TOP3B: variants seen among roughly 807,000 people sequenced by gnomAD.
The protein encoded by TOP3B is DNA topoisomerase III beta.
In TOP3B, 45 loss-of-function variants were observed where a neutral mutation model predicts 93.9. That is an observed-to-expected ratio of 0.48 (90% CI 0.38 to 0.61). The LOEUF is 0.61. TOP3B is among the 20% of genes least tolerant of loss of function. The pLI is 0.00. For synonymous variants in TOP3B, 357 were observed against 472.6 expected (o/e 0.76, Z 3.17); for missense variants, 750 against 1,156.1 (o/e 0.65, Z 5.09).
intron 1 of TOP3B, among the ~76,000 whole-genome samples, chr22:21,979,693 G>A (rs2084575945): frequency 6.6e-6 from 1 of 152,082 alleles, no homozygotes; most frequent in South Asian, 2.1e-4. Context: ...TGTAATCCCA[G>A]CACTTTGGGA....
intron 10 of TOP3B, 52 bp downstream of exon 10, chr22:21,964,109 C>T: frequency 6.2e-7 from 1 of 1,611,338 alleles, no homozygotes; most frequent in Non-Finnish European, 8.5e-7. Flanking sequence ...AGACCTGGTC[C>T]CAAGGCCTCA....
chr22:21,978,711 C>CTG (rs2145885967), intron 1 of TOP3B, among the ~76,000 whole-genome samples: 1 of 149,572 alleles, frequency 6.7e-6, no homozygotes, highest in South Asian at 2.1e-4. Context: ...TGAGACCTGA[C>CTG]TGTAGGGTCT....
intron 6 of TOP3B, 33 bp from the exon 7 acceptor site, chr22:21,968,808 A>G (rs753551670): frequency 9.3e-6 from 15 of 1,612,984 alleles, no homozygotes; most frequent in Middle Eastern, 3.3e-4. Context: ...TTGGTCACTG[A>G]TTCACTCAAG....
intron 1 of TOP3B, 82 bp from the exon 2 acceptor site, chr22:21,975,889 A>G (rs1485462527): frequency 7.2e-5 from 70 of 978,390 alleles, no homozygotes; most frequent in Non-Finnish European, 8.3e-5. Context: ...TTTAACAAAG[A>G]AAAAACAAGA....
At chr22:21,972,153 T>G (rs574192868) in intron 4 of TOP3B, 2 of 550,250 alleles carry the variant, frequency 3.6e-6, no homozygotes, top group East Asian at 3.0e-5. Flanking sequence ...TTGATGTTTT[T>G]TGGACCAAAA....
In TOP3B at chr22:21,970,529, C is replaced by T. The variant is rs373214697; in HGVS notation, c.385-123G>A. 1.0e-6 allele frequency: 1 copy of T among 981,134 alleles called. No homozygotes were observed. The highest frequency in any genetic ancestry group is 1.6e-5 in the South Asian group (1 of 64,016). The allele number at this position is 981,134 out of a possible 1,614,324, so 60.8% of individuals were successfully genotyped here. On this transcript the variant is annotated intron_variant, in intron 5 of 17. Transcript: ENST00000357179. This position sits in a 1 kb window ranked among gnomAD's most constrained non-coding sequence, Gnocchi z 4.4. ...GTGTGCTCGGCTCCCTCTCCTGCCC[C>T]TGCCAGACCCTCCTCTATCCCCTTT... is the stretch of plus-strand genomic sequence containing the variant.
Position 21,971,630 on chromosome 22 carries a change from CCTCCTATGTTCA to C in TOP3B, c.384+235_384+246del. On this transcript the variant is annotated intron_variant, in intron 5 of 17. Transcript: ENST00000357179. The surrounding 1 kb of genome is among the most constrained non-coding windows in gnomAD (Gnocchi z 4.6). ...CTGCATCCACCCAGACAATTTGGCCCCTCCTATGTTCACTCATACCGTTGAGGCCTCAGCAAG... is the reference window on the plus strand; with the variant it reads ...CTGCATCCACCCAGACAATTTGGCCCCTCATACCGTTGAGGCCTCAGCAAG... The C allele has an allele frequency of 1.9e-6, 1 of 536,252 alleles. No homozygotes were observed. Among genetic ancestry groups the C allele is most frequent in the Non-Finnish European group, 3.4e-6 (1 of 294,142 alleles). 33.2% of individuals were successfully genotyped at this position (536,252 alleles called of 1,614,324 possible).
At chr22:21,959,820 T>A (rs1178661326) in intron 14 of TOP3B, 84 bp from the exon 15 acceptor site, 2 of 1,541,430 alleles carry the variant, frequency 1.3e-6, no homozygotes, top group Admixed American at 1.8e-5. Flanking sequence ...GATACTGCCC[T>A]GTTCACCCCT....
chr22:21,978,307 A>G (rs1044692747), intron 1 of TOP3B, among the ~76,000 whole-genome samples: 1 of 152,096 alleles, frequency 6.6e-6, no homozygotes, highest in Non-Finnish European at 1.5e-5. Context: ...CACACCTGCC[A>G]TGGGCTCACA....
chr22:21,962,293 C>T (rs2071217397), intron 13 of TOP3B, 136 bp downstream of exon 13: 1 of 1,592,354 alleles, frequency 6.3e-7, no homozygotes, highest in Admixed American at 1.7e-5. Flanking sequence ...CACACTGGGT[C>T]ACCAGTTTCC....
In TOP3B at chr22:21,963,207, G is replaced by A; in HGVS notation, c.1205-314C>T. 1 of 277,032 alleles carries A rather than the reference G, an allele frequency of 3.6e-6. No individual in the cohort carries two copies. The highest frequency in any genetic ancestry group is 7.1e-6 in the Non-Finnish European group (1 of 141,126). 17.2% of individuals were successfully genotyped at this position (277,032 alleles called of 1,614,324 possible). On this transcript the variant is annotated intron_variant, in intron 11 of 17. Coordinates refer to ENST00000357179, the MANE Select transcript of TOP3B (RefSeq NM_001282112.2). This position sits in a 1 kb window ranked among gnomAD's most constrained non-coding sequence, Gnocchi z 4.8. Reference sequence around the variant, plus strand: ...AGAAATTAGCTGGGTGTGGTGGTGGGAGCCTGTAATCCCAGCTACTCGGGG... The same window carrying A: ...AGAAATTAGCTGGGTGTGGTGGTGGAAGCCTGTAATCCCAGCTACTCGGGG...
chr22:21,964,383 T>C (rs1171991701), intron 9 of TOP3B, 68 bp from the exon 10 acceptor site: 2 of 1,579,536 alleles, frequency 1.3e-6, no homozygotes, highest in South Asian at 1.1e-5. Context: ...CCCTGGCCTA[T>C]GCACTCAGGC....
intron 1 of TOP3B, 84 bp from the exon 2 acceptor site, chr22:21,975,891 A>G (rs916649628): frequency 7.2e-5 from 68 of 946,378 alleles, no homozygotes; most frequent in Non-Finnish European, 8.6e-5. Flanking sequence ...TAACAAAGAA[A>G]AAACAAGACC....
rs2071649707 is a variant in TOP3B at position 21,971,794 on chromosome 22, G to A, written c.384+83C>T. On this transcript the variant is annotated intron_variant, in intron 5 of 17. Coordinates refer to ENST00000357179, the MANE Select transcript of TOP3B (RefSeq NM_001282112.2). This position sits in a 1 kb window ranked among gnomAD's most constrained non-coding sequence, Gnocchi z 4.6. ...TTTACTCCCTCCTTTGGCCCCAGGAGTGATGTGACTGACTGCTGGTGTCAG... is the reference window on the plus strand; with the variant it reads ...TTTACTCCCTCCTTTGGCCCCAGGAATGATGTGACTGACTGCTGGTGTCAG... 1 of 1,259,444 alleles carries A rather than the reference G, an allele frequency of 7.9e-7. No homozygotes were observed. Among genetic ancestry groups the A allele is most frequent in the African/African-American group, 1.5e-5 (1 of 68,018 alleles). 78.0% of individuals were successfully genotyped at this position (1,259,444 alleles called of 1,614,324 possible).
intron 1 of TOP3B, among the ~76,000 whole-genome samples, chr22:21,979,417 A>G (rs920855667): frequency 6.6e-6 from 1 of 151,948 alleles, no homozygotes; most frequent in African/African-American, 2.4e-5. Flanking sequence ...TAGAGAGTGA[A>G]GTCACCTGGG....
Position 21,971,927 on chromosome 22 carries a change from T to A in TOP3B, c.334A>T (p.Ile112Phe). ...TTGTCGCAGTCCAGCCACAGCACGA[T>A]GTAGTCGCAGCCTCTGCCCTCCACC... is the stretch of plus-strand genomic sequence containing the variant. ...LQVEGRGCDY[I>F]VLWLDCDKEG... is the part of the protein sequence containing the mutation. The change falls in exon 5 of 18, where the codon ATC (isoleucine) becomes TTC (phenylalanine). Residue 112 changes from isoleucine (I) to phenylalanine (F), a missense_variant. Coordinates refer to ENST00000357179, the MANE Select transcript of TOP3B (RefSeq NM_001282112.2). The surrounding 1 kb of genome is among the most constrained non-coding windows in gnomAD (Gnocchi z 4.6). The A allele has an allele frequency of 6.2e-7, 1 of 1,613,720 alleles. No homozygotes were observed. Among genetic ancestry groups the A allele is most frequent in the South Asian group, 1.1e-5 (1 of 91,022 alleles).
At position 21,968,095 on chromosome 22, in the gene TOP3B, A is replaced by G. The variant is rs577995045; in HGVS notation, c.739-379T>C. Reference sequence around the variant, plus strand: ...CACAGCAGCTCCAAGACAGTGTCTCACTGTGTTGCTAGGCTGGAGTGCAGT... The same window carrying G: ...CACAGCAGCTCCAAGACAGTGTCTCGCTGTGTTGCTAGGCTGGAGTGCAGT... On this transcript the variant is annotated intron_variant, in intron 7 of 17. Transcript: ENST00000357179. 3.6e-4 allele frequency: 104 copies of G among 286,264 alleles called. 2 individuals carry two copies. Among genetic ancestry groups the G allele is most frequent in the Admixed American group, 3.4e-4 (7 of 20,478 alleles). The allele number at this position is 286,264 out of a possible 1,614,324, so 17.7% of individuals were successfully genotyped here. A position where few individuals can be genotyped will look rare whatever the true frequency, so the allele number is the denominator to read the frequency against.
Position 21,980,035 on chromosome 22 carries a change from G to C in TOP3B, c.-99+2695C>G, listed in dbSNP as rs940673418. On this transcript the variant is annotated intron_variant, in intron 1 of 17. Transcript: ENST00000357179. ...AAGCATCTGCTTGGTACATACTAAC[G>C]TGGATCAGATCACTGAAATAAATCA... Among the ~76,000 whole-genome samples the C allele has an allele frequency of 2.0e-5, 3 of 151,434 alleles. No individual in the cohort carries two copies. The East Asian group carries it at 5.8e-4, about 29-fold the overall frequency.
Position 21,971,136 on chromosome 22 carries a change from C to G in TOP3B, c.385-730G>C. 2 of 1,035,114 alleles carry G rather than the reference C, an allele frequency of 1.9e-6. No homozygotes were observed. The highest frequency in any genetic ancestry group is 2.6e-6 in the Non-Finnish European group (2 of 754,902). The allele number at this position is 1,035,114 out of a possible 1,614,324, so 64.1% of individuals were successfully genotyped here. Reference sequence around the variant, plus strand: ...CAAAGGCCCCCAGGGAGGAGCCGCCCTGCAGGGGAGGAGAGGGTATCTGGG... The same window carrying G: ...CAAAGGCCCCCAGGGAGGAGCCGCCGTGCAGGGGAGGAGAGGGTATCTGGG... On this transcript the variant is annotated intron_variant, in intron 5 of 17. Transcript: ENST00000357179. The surrounding 1 kb of genome is among the most constrained non-coding windows in gnomAD (Gnocchi z 4.6).
Sources: gnomAD v4.1 joint callset for allele counts (sites outside exome capture counted in the v4.1 genomes callset) on GRCh38, gnomAD v4.1.1 for gene constraint, Gnocchi (gnomAD v3.1) non-coding constraint, MANE v1.5 for transcripts, NCBI Gene and HGNC (gene_info 2026-07-23, HGNC 2026-07-21) for gene names.